The following WBP1L variants were observed in gnomAD, a reference collection of about 807,000 sequenced individuals.
WBP1L encodes the protein WW domain binding protein 1-like.
Under a neutral mutation model 33.7 loss-of-function variants are expected in WBP1L, and 17 were observed. The ratio of observed to expected loss-of-function variants is 0.50; its 90% CI spans 0.34 to 0.76. WBP1L has a LOEUF of 0.76. WBP1L is among the 30% of genes least tolerant of loss of function. The pLI is 0.01. For missense variants in WBP1L, 389 were observed against 469.4 expected, an observed-to-expected ratio of 0.83 and a Z score of 1.58; for synonymous variants, 173 against 190.8, an observed-to-expected ratio of 0.91 and a Z score of 0.77.
chr10:102,807,468 C>T (rs536989971), intron 2 of WBP1L, among the ~76,000 whole-genome samples: 30 of 152,156 alleles, frequency 2.0e-4, no homozygotes, highest in Non-Finnish European at 2.1e-4. Flanking sequence ...ACCTCCCCTC[C>T]TGGGTTCAAG....
intron 1 of WBP1L, among the ~76,000 whole-genome samples, chr10:102,749,479 A>C (rs1385414891): frequency 6.6e-6 from 1 of 151,456 alleles, no homozygotes; most frequent in Admixed American, 6.6e-5. Flanking sequence ...CTAATAAAAA[A>C]AATTTTTTTT....
chr10:102,799,731 T>G (rs1331938310), intron 2 of WBP1L, among the ~76,000 whole-genome samples: 1 of 152,132 alleles, frequency 6.6e-6, no homozygotes, highest in African/African-American at 2.4e-5. Context: ...CACCATCCTA[T>G]CTGCGCCTTT....
chr10:102,813,154 C>T lies in WBP1L; in HGVS notation c.915C>T (p.Cys305=), dbSNP rs540426169. The T allele has an allele frequency of 3.3e-4, 536 of 1,614,024 alleles. No individual in the cohort carries two copies. The highest frequency in any genetic ancestry group is 1.6e-3 in the Middle Eastern group (10 of 6,062). ...CTCTGGATGGGCCCCTGGACTTCTGCGACAGCTGCCATGTGCGGCCCCCTG... is the reference window on the plus strand; with the variant it reads ...CTCTGGATGGGCCCCTGGACTTCTGTGACAGCTGCCATGTGCGGCCCCCTG... ...DDALDGPLDF[C]DSCHVRPPGD... The change falls in exon 4 of 4, where the codon TGC becomes TGT. Residue 305 remains cysteine, a synonymous_variant. Coordinates refer to ENST00000448841, the MANE Select transcript of WBP1L (RefSeq NM_001083913.2).
intron 1 of WBP1L, among the ~76,000 whole-genome samples, chr10:102,783,286 A>G (rs1485555608): frequency 1.3e-5 from 2 of 152,182 alleles, no homozygotes; most frequent in South Asian, 2.1e-4. Flanking sequence ...TCATTCTCGC[A>G]CTGGTCATGT....
rs1178101869 is a variant in WBP1L, at chr10:102,809,885, C to T, written c.194-8C>T. ...GTGCCTCTCTGTCTTGCCTTGCCCA[C>T]CCCCCAGGGTTCTGGCTGGTGTGGA... On this transcript the variant is annotated splice_region_variant and splice_polypyrimidine_tract_variant and intron_variant, in intron 2 of 3. Transcript: ENST00000448841. 12 of 1,602,552 alleles carry T rather than the reference C, an allele frequency of 7.5e-6. No homozygotes were observed. Among genetic ancestry groups the T allele is most frequent in the African/African-American group, 1.3e-5 (1 of 74,602 alleles).
chr10:102,770,991 A>C (rs1843180339), intron 1 of WBP1L, among the ~76,000 whole-genome samples: 1 of 152,196 alleles, frequency 6.6e-6, no homozygotes, highest in Non-Finnish European at 1.5e-5. Flanking sequence ...AAGTTACATA[A>C]ACCCCATTTG....
intron 1 of WBP1L, among the ~76,000 whole-genome samples, chr10:102,756,047 T>C (rs1419677098): frequency 6.6e-6 from 1 of 151,664 alleles, no homozygotes; most frequent in Non-Finnish European, 1.5e-5. Flanking sequence ...GACAACCATA[T>C]ATCTATATAT....
intron 1 of WBP1L, among the ~76,000 whole-genome samples, chr10:102,760,481 A>G (rs531136644): frequency 8.9e-4 from 134 of 149,784 alleles, no homozygotes; most frequent in Middle Eastern, 6.9e-3. Flanking sequence ...GGTTCAAGCG[A>G]TTCTCCTGCC....
intron 1 of WBP1L, among the ~76,000 whole-genome samples, chr10:102,791,882 G>T (rs966835578): frequency 2.8e-4 from 42 of 152,182 alleles, no homozygotes; most frequent in Non-Finnish European, 1.0e-4. Context: ...ACCATGCCTG[G>T]GGAAACATTA....
chr10:102,800,526 T>C (rs2778039), intron 2 of WBP1L, among the ~76,000 whole-genome samples: 38,093 of 152,110 alleles, frequency 0.25, 4,916 homozygotes, highest in Admixed American at 0.29. Flanking sequence ...AGTGTCTCTC[T>C]AGCTACGGGC....
At chr10:102,745,371 A>G (rs1241593280) in intron 1 of WBP1L, among the ~76,000 whole-genome samples, 1 of 152,226 alleles carries the variant, frequency 6.6e-6, no homozygotes, top group African/African-American at 2.4e-5. Context: ...TACACTTACA[A>G]TGTTGTGCAA....
intron 1 of WBP1L, among the ~76,000 whole-genome samples, chr10:102,783,603 G>T (rs1388037534): frequency 1.3e-5 from 2 of 152,250 alleles, no homozygotes; most frequent in Non-Finnish European, 2.9e-5. Context: ...GGCTAAAACA[G>T]GGGCTCTAAA....
At chr10:102,809,571 C>T (rs1017094295) in intron 2 of WBP1L, among the ~76,000 whole-genome samples, 1 of 152,062 alleles carries the variant, frequency 6.6e-6, no homozygotes, top group Non-Finnish European at 1.5e-5. Flanking sequence ...GGGGGTTTCA[C>T]CATGTTGGCC....
rs1174359143 is a variant in WBP1L, at chr10:102,813,449, G to A, written c.*118G>A. 1 of 1,373,058 alleles carries A rather than the reference G, an allele frequency of 7.3e-7. No individual in the cohort carries two copies. The highest frequency in any genetic ancestry group is 9.6e-7 in the Non-Finnish European group (1 of 1,038,144). The allele number at this position is 1,373,058 out of a possible 1,614,324, so 85.1% of individuals were successfully genotyped here. The stretch of plus-strand genomic sequence containing the variant: ...GAGTACAGCCACTTGGTTCCTTTTT[G>A]TTTGTTTTCCTTCTCCTCTCCTGCA... On this transcript the variant is annotated 3_prime_UTR_variant, in exon 4 of 4. Coordinates refer to ENST00000448841, the MANE Select transcript of WBP1L (RefSeq NM_001083913.2).
At chr10:102,808,047 C>T (rs1045253048) in intron 2 of WBP1L, among the ~76,000 whole-genome samples, 6 of 151,916 alleles carry the variant, frequency 3.9e-5, no homozygotes, top group Non-Finnish European at 7.4e-5. Context: ...GGCATGGTGG[C>T]ATATGCTTGT....
At chr10:102,801,238 C>T (rs769574240) in intron 2 of WBP1L, among the ~76,000 whole-genome samples, 2 of 152,132 alleles carry the variant, frequency 1.3e-5, no homozygotes, top group African/African-American at 2.4e-5. Context: ...AGGACCTGAT[C>T]GTTGTTAGTA....
intron 1 of WBP1L, among the ~76,000 whole-genome samples, chr10:102,784,488 C>G (rs1843383893): frequency 7.0e-6 from 1 of 142,954 alleles, no homozygotes; most frequent in South Asian, 2.2e-4. Flanking sequence ...TGCAGTGGCA[C>G]AATCTTGGCT....
In WBP1L at chr10:102,813,223, T is replaced by C; in HGVS notation, c.984T>C (p.Ala328=). ...TCTGTCAGTCCTCTGAGGAGCAGGC[T>C]CGAGAGCCTGGGCACCCGCACCTGC... ...EGLCQSSEEQ[A]REPGHPHLPR... Residue 328 remains alanine (A), a synonymous_variant, in exon 4 of 4, where the codon GCT becomes GCC. Transcript: ENST00000448841. 1.2e-6 allele frequency: 2 copies of C among 1,612,796 alleles called. No homozygotes were observed. The highest frequency in any genetic ancestry group is 1.1e-5 in the South Asian group (1 of 91,074).
chr10:102,759,850 T>A (rs1843016489), intron 1 of WBP1L, among the ~76,000 whole-genome samples: 1 of 152,166 alleles, frequency 6.6e-6, no homozygotes, highest in African/African-American at 2.4e-5. Context: ...AGTTTTTATG[T>A]GGACTTGTTT....
Sources: gnomAD v4.1 joint callset for allele counts (sites outside exome capture counted in the v4.1 genomes callset) on GRCh38, gnomAD v4.1.1 for gene constraint, MANE v1.5 for transcripts, NCBI Gene and HGNC (gene_info 2026-07-23, HGNC 2026-07-21) for gene names.